REEP1: variants seen among roughly 807,000 people sequenced by gnomAD.
REEP1 encodes receptor expression-enhancing protein 1.
In REEP1, 22 loss-of-function variants were observed where a neutral mutation model predicts 40.3. That is an observed-to-expected ratio of 0.55 (90% CI 0.39 to 0.78). The LOEUF is 0.78. Among genes scored for constraint, REEP1 ranks in the 30% least tolerant of loss-of-function variants. The probability of loss-of-function intolerance (pLI) is 0.00; values close to 1 mark genes in which losing one functional copy is unlikely to be tolerated. For synonymous variants in REEP1, 116 were observed against 139.2 expected, an observed-to-expected ratio of 0.83 and a Z score of 1.17; for missense variants, 280 against 361.1, an observed-to-expected ratio of 0.78 and a Z score of 1.82.
chr2:86,272,126 G>T (rs555120615), intron 2 of REEP1, among the ~76,000 whole-genome samples: 45 of 152,296 alleles, frequency 3.0e-4, no homozygotes, highest in Non-Finnish European at 4.3e-4. Flanking sequence ...GGAGGCTGAG[G>T]CAGGAGAATT....
upstream of REEP1, chr2:86,338,013 A>G (rs1369579258): frequency 6.5e-7 from 1 of 1,536,628 alleles, no homozygotes; most frequent in Admixed American, 2.0e-5. Flanking sequence ...TTAGCCTCAT[A>G]AAGGGTTTAC....
intron 5 of REEP1, among the ~76,000 whole-genome samples, chr2:86,249,056 C>G (rs1023651777): frequency 2.0e-5 from 3 of 152,072 alleles, no homozygotes; most frequent in Non-Finnish European, 4.4e-5. Flanking sequence ...GTCAGGAGTT[C>G]AAGACTAGCC....
intron 4 of REEP1, among the ~76,000 whole-genome samples, chr2:86,254,402 G>C (rs912519770): frequency 6.6e-6 from 1 of 152,116 alleles, no homozygotes; most frequent in East Asian, 1.9e-4. Context: ...CATGACAAAA[G>C]GAAGGAAATT....
chr2:86,320,633 A>G (rs1387691642), intron 1 of REEP1, among the ~76,000 whole-genome samples: 1 of 152,246 alleles, frequency 6.6e-6, no homozygotes, highest in African/African-American at 2.4e-5. Flanking sequence ...TAAAATATGT[A>G]GAAGGAACAG....
At chr2:86,313,409 T>C (rs1679856029) in intron 1 of REEP1, among the ~76,000 whole-genome samples, 1 of 152,062 alleles carries the variant, frequency 6.6e-6, no homozygotes. Flanking sequence ...CTCTCCTTTG[T>C]TTCCTTCTCC....
intron 6 of REEP1, among the ~76,000 whole-genome samples, chr2:86,229,598 CTTTTTTTTTTTTTTT>C (rs70956106): frequency 7.9e-5 from 9 of 114,440 alleles, no homozygotes; most frequent in Non-Finnish European, 1.2e-4. Context: ...ACCTGTCTTC[CTTTTTTTTTTTTTTT>C]TTTTTTTTTT....
In REEP1 at chr2:86,272,079, C is replaced by T. The variant is rs917915475; in HGVS notation, c.106-8038G>A. Among the ~76,000 whole-genome samples, 24 of 152,084 alleles carry T rather than the reference C, an allele frequency of 1.6e-4. 1 individual carries two copies. The highest frequency in any genetic ancestry group is 5.6e-4 in the African/African-American group (23 of 41,408). On this transcript the variant is annotated intron_variant, in intron 2 of 8. Coordinates refer to ENST00000538924, the MANE Select transcript of REEP1 (RefSeq NM_001371279.1). ...CTCTGCTAAAAATACAAAAAATAGC[C>T]AGGTGTGGTGTACGCACTTGTAATC...
At chr2:86,282,034 C>T (rs1678122343) in intron 2 of REEP1, 136 bp downstream of exon 2, 1 of 729,660 alleles carries the variant, frequency 1.4e-6, no homozygotes, top group Non-Finnish European at 2.6e-6. Context: ...CCTGAGATGT[C>T]TCATGAGAAC....
intron 7 of REEP1, among the ~76,000 whole-genome samples, chr2:86,226,828 G>C (rs1674735493): frequency 6.6e-6 from 1 of 152,146 alleles, no homozygotes; most frequent in Non-Finnish European, 1.5e-5. Context: ...CCTTCAAGAG[G>C]TGGAGATTAA....
chr2:86,279,807 C>T (rs1227556490), intron 2 of REEP1, among the ~76,000 whole-genome samples: 9 of 152,280 alleles, frequency 5.9e-5, no homozygotes, highest in African/African-American at 9.6e-5. Context: ...AGCCACTAAA[C>T]GGAGCACAGC....
intron 7 of REEP1, among the ~76,000 whole-genome samples, chr2:86,220,406 G>A (rs1674353293): frequency 6.6e-6 from 1 of 152,090 alleles, no homozygotes; most frequent in East Asian, 1.9e-4. Context: ...TTTACTAAGG[G>A]GGCATCACTT....
chr2:86,249,547 G>A (rs918820433), intron 5 of REEP1, among the ~76,000 whole-genome samples: 1 of 152,040 alleles, frequency 6.6e-6, no homozygotes, highest in Non-Finnish European at 1.5e-5. Context: ...AATCATCTGG[G>A]GAACTTGTTA....
At chr2:86,217,179 G>A in intron 8 of REEP1, 69 bp from the exon 9 acceptor site, 4 of 1,349,352 alleles carry the variant, frequency 3.0e-6, no homozygotes, top group Non-Finnish European at 3.2e-6. Context: ...GTCAGCACCT[G>A]GAAGGCATTG....
chr2:86,332,544 C>T (rs1332057264), intron 1 of REEP1, among the ~76,000 whole-genome samples: 1 of 151,904 alleles, frequency 6.6e-6, no homozygotes, highest in Admixed American at 6.6e-5. Flanking sequence ...GACCTGAGTC[C>T]CCCTTCCCTC....
chr2:86,308,783 G>C (rs1397653327), intron 1 of REEP1, among the ~76,000 whole-genome samples: 1 of 152,178 alleles, frequency 6.6e-6, no homozygotes, highest in Admixed American at 6.5e-5. Flanking sequence ...GGTTCTTTTG[G>C]TTATAAGTAA....
At chr2:86,273,185 T>C (rs572358866) in intron 2 of REEP1, among the ~76,000 whole-genome samples, 1 of 152,094 alleles carries the variant, frequency 6.6e-6, no homozygotes, top group East Asian at 1.9e-4. Flanking sequence ...TGACTTTCTT[T>C]CCTAGTTTAT....
At chr2:86,230,402 C>T (rs987323805) in intron 6 of REEP1, among the ~76,000 whole-genome samples, 32 of 152,242 alleles carry the variant, frequency 2.1e-4, no homozygotes, top group Non-Finnish European at 7.3e-5. Flanking sequence ...CTCTCTGAGC[C>T]TGCTTCCTCC....
At position 86,255,085 on chromosome 2, in the gene REEP1, G is replaced by A. The variant is rs542266857; in HGVS notation, c.183-271C>T. On this transcript the variant is annotated intron_variant, in intron 3 of 8. Coordinates refer to ENST00000538924, the MANE Select transcript of REEP1 (RefSeq NM_001371279.1). ...CAGGTTCTCTCCAGCAATCACCCCCGTGGCCCTGCCTGGCACAGGCTGGAG... is the reference window on the plus strand; with the variant it reads ...CAGGTTCTCTCCAGCAATCACCCCCATGGCCCTGCCTGGCACAGGCTGGAG... The A allele has an allele frequency of 4.5e-5, 17 of 380,584 alleles. 1 individual carries two copies. The highest frequency in any genetic ancestry group is 7.6e-4 in the Middle Eastern group (1 of 1,320). 23.6% of individuals were successfully genotyped at this position (380,584 alleles called of 1,614,324 possible).
chr2:86,310,904 C>T (rs1679732364), intron 1 of REEP1, among the ~76,000 whole-genome samples: 1 of 152,142 alleles, frequency 6.6e-6, no homozygotes, highest in Non-Finnish European at 1.5e-5. Context: ...TACAAAAACA[C>T]ACATGATACC....
Sources: allele counts gnomAD v4.1 joint callset (sites outside exome capture counted in the v4.1 genomes callset), GRCh38; gene constraint gnomAD v4.1.1; transcripts MANE v1.5; gene names NCBI Gene and HGNC (gene_info 2026-07-23, HGNC 2026-07-21).